Variants in ARHGAP26 observed in about 807,000 individuals in gnomAD.
ARHGAP26 encodes the protein Rho GTPase activating protein 26.
In ARHGAP26, 38 loss-of-function variants were observed where a neutral mutation model predicts 104.8. That is an observed-to-expected ratio of 0.36 (90% CI 0.28 to 0.48). The LOEUF (loss-of-function observed/expected upper bound fraction) is 0.48, where lower values mean the gene tolerates loss of function less well. Ranked by LOEUF, ARHGAP26 falls within the 20% of genes least tolerant of loss-of-function variation. ARHGAP26 has a pLI of 0.99. For synonymous variants in ARHGAP26, 341 were observed against 340.0 expected, an observed-to-expected ratio of 1.00 and a Z score of -0.03; for missense variants, 704 against 947.9, an observed-to-expected ratio of 0.74 and a Z score of 3.38.
chr5:143,046,779 A>G (rs1179238493), intron 14 of ARHGAP26, among the ~76,000 whole-genome samples: 1 of 152,210 alleles, frequency 6.6e-6, no homozygotes. Context: ...CTCTCCGTAC[A>G]TATTTTAAAT....
At chr5:143,035,297 T>C (rs1465225037) in intron 12 of ARHGAP26, among the ~76,000 whole-genome samples, 2 of 152,208 alleles carry the variant, frequency 1.3e-5, no homozygotes, top group African/African-American at 4.8e-5. Context: ...CCCAAATGCC[T>C]ATCAGTCAAC....
At chr5:143,004,941 A>G (rs866803746) in intron 11 of ARHGAP26, among the ~76,000 whole-genome samples, 7 of 152,324 alleles carry the variant, frequency 4.6e-5, no homozygotes, top group African/African-American at 1.7e-4. Flanking sequence ...AAGTGATACA[A>G]CTAGGAACTG....
chr5:142,851,825 G>A (rs1345850492), intron 1 of ARHGAP26, among the ~76,000 whole-genome samples: 1 of 152,080 alleles, frequency 6.6e-6, no homozygotes, highest in East Asian at 1.9e-4. Context: ...CCTCATCTTT[G>A]TCAGGTTGAC....
At chr5:143,117,152 G>A (rs1442884579) in intron 17 of ARHGAP26, among the ~76,000 whole-genome samples, 1 of 150,814 alleles carries the variant, frequency 6.6e-6, no homozygotes, top group Non-Finnish European at 1.5e-5. Context: ...TAGATTTTAA[G>A]TCAAGACTCA....
intron 11 of ARHGAP26, among the ~76,000 whole-genome samples, chr5:143,012,994 A>C (rs902796092): frequency 6.6e-6 from 1 of 152,090 alleles, no homozygotes; most frequent in Admixed American, 6.5e-5. Context: ...ATCTTGTTTA[A>C]TTATGACAGC....
At position 142,770,987 on chromosome 5, in the gene ARHGAP26, T is replaced by C. The variant is rs561641103; in HGVS notation, c.154+72T>C. ...ACTGGGAGGTGGCGCTTAGCCCGGG[T>C]TGCCCGCGCGTCTGCCGGGTTTCTG... On this transcript the variant is annotated intron_variant, in intron 1 of 22. Coordinates refer to ENST00000645722, the MANE Select transcript of ARHGAP26 (RefSeq NM_001135608.3). 16 of 1,492,906 alleles carry C rather than the reference T, an allele frequency of 1.1e-5. No homozygotes were observed. The East Asian group carries it at 2.4e-4, about 22-fold the overall frequency. 92.5% of individuals were successfully genotyped at this position (1,492,906 alleles called of 1,614,324 possible).
In ARHGAP26 at chr5:142,926,593, C is replaced by T. The variant is rs371895405; in HGVS notation, c.1029-5454C>T. On this transcript the variant is annotated intron_variant, in intron 10 of 22. Transcript: ENST00000645722. The stretch of plus-strand genomic sequence containing the variant: ...AATTTTAAAAGGGAGTGGTAGGCCA[C>T]TTTGTTGCGTTACTCAGGAGGAGAA... Among the ~76,000 whole-genome samples, 102 of 152,174 alleles carry T rather than the reference C, an allele frequency of 6.7e-4. 1 individual carries two copies. The highest frequency in any genetic ancestry group is 2.3e-3 in the African/African-American group (95 of 41,534).
At chr5:142,788,070 G>A (rs1429458638) in intron 1 of ARHGAP26, among the ~76,000 whole-genome samples, 1 of 149,982 alleles carries the variant, frequency 6.7e-6, no homozygotes, top group Non-Finnish European at 1.5e-5. Context: ...GCATGATCTC[G>A]GCTCACTGCA....
intron 20 of ARHGAP26, among the ~76,000 whole-genome samples, chr5:143,206,883 G>A (rs955724471): frequency 6.6e-6 from 1 of 152,230 alleles, no homozygotes; most frequent in African/African-American, 2.4e-5. Flanking sequence ...ATAGCACGTG[G>A]GTGTGGGAAC....
chr5:142,872,609 C>G (rs1181199669), intron 1 of ARHGAP26, among the ~76,000 whole-genome samples: 2 of 152,222 alleles, frequency 1.3e-5, no homozygotes, highest in African/African-American at 2.4e-5. Flanking sequence ...GGATCACTGG[C>G]TTTCATTACT....
intron 17 of ARHGAP26, among the ~76,000 whole-genome samples, chr5:143,076,198 A>G (rs1788994473): frequency 9.7e-6 from 1 of 103,416 alleles, no homozygotes. Flanking sequence ...CAGTCTCATT[A>G]TGTTGCCCAG....
chr5:142,847,362 C>CTT lies in ARHGAP26; in HGVS notation c.155-26027_155-26026dup, dbSNP rs34846420. 6.9e-5 allele frequency among the ~76,000 whole-genome samples: 10 copies of CTT among 145,548 alleles called. No individual in the cohort carries two copies. In the East Asian group the frequency reaches 1.2e-3, roughly 17 times the overall value. ...CGAATACAGCAAAGGATGGAGATGTCTTTTTTTTTTTTGAGACGGAGTTTT... is the reference window on the plus strand; with the variant it reads ...CGAATACAGCAAAGGATGGAGATGTCTTTTTTTTTTTTTTGAGACGGAGTTTT... On this transcript the variant is annotated intron_variant, in intron 1 of 22. Transcript: ENST00000645722.
At chr5:142,896,041 CA>C (rs1759436293) in intron 6 of ARHGAP26, among the ~76,000 whole-genome samples, 1 of 152,166 alleles carries the variant, frequency 6.6e-6, no homozygotes, top group South Asian at 2.1e-4. Flanking sequence ...CAAAAATCCC[CA>C]TCTTTCCACA....
intron 4 of ARHGAP26, 142 bp downstream of exon 4, chr5:142,879,587 T>A: frequency 1.3e-6 from 1 of 754,936 alleles, no homozygotes; most frequent in Non-Finnish European, 2.1e-6. Context: ...CAGAAAACTC[T>A]ATAGAGCCCA....
intron 14 of ARHGAP26, among the ~76,000 whole-genome samples, chr5:143,048,130 G>A (rs969835312): frequency 1.3e-5 from 2 of 151,348 alleles, no homozygotes; most frequent in Non-Finnish European, 2.9e-5. Context: ...ATTATAAGGC[G>A]TGAGCCACCG....
At chr5:142,782,177 C>T (rs766468487) in intron 1 of ARHGAP26, among the ~76,000 whole-genome samples, 14 of 152,102 alleles carry the variant, frequency 9.2e-5, no homozygotes, top group Non-Finnish European at 1.6e-4. Flanking sequence ...GGAGAGGAAT[C>T]GTGGTGTGTG....
chr5:142,903,504 G>C (rs1562049761), intron 7 of ARHGAP26, 36 bp from the exon 8 acceptor site: 9 of 1,604,000 alleles, frequency 5.6e-6, no homozygotes, highest in Non-Finnish European at 6.8e-6. Context: ...CAGATACTTT[G>C]TTTCTTTGAT....
At chr5:142,820,230 T>C (rs533426651) in intron 1 of ARHGAP26, among the ~76,000 whole-genome samples, 14 of 152,276 alleles carry the variant, frequency 9.2e-5, no homozygotes, top group African/African-American at 3.1e-4. Flanking sequence ...GACCCCAACG[T>C]TGAGAATTCA....
chr5:143,018,860 T>G (rs1779928327), intron 12 of ARHGAP26, among the ~76,000 whole-genome samples: 1 of 152,222 alleles, frequency 6.6e-6, no homozygotes, highest in Non-Finnish European at 1.5e-5. Flanking sequence ...TTTAAGAAGT[T>G]TCCCCTAAAA....
Sources: gnomAD v4.1 joint callset for allele counts (sites outside exome capture counted in the v4.1 genomes callset) on GRCh38, gnomAD v4.1.1 for gene constraint, MANE v1.5 for transcripts, NCBI Gene and HGNC (gene_info 2026-07-23, HGNC 2026-07-21) for gene names.